Variants in MAST2 observed in about 807,000 individuals in gnomAD.
MAST2 encodes the protein microtubule-associated serine/threonine-protein kinase 2.
Under a neutral mutation model 147.4 loss-of-function variants are expected in MAST2, and 70 were observed. The ratio of observed to expected loss-of-function variants is 0.47; its 90% CI spans 0.39 to 0.58. MAST2 has a LOEUF of 0.58. MAST2 is among the 20% of genes least tolerant of loss of function. MAST2 has a pLI of 0.00. For missense variants in MAST2, 2,080 were observed against 2,302.3 expected (o/e 0.90, Z 1.98); for synonymous variants, 869 against 896.8 (o/e 0.97, Z 0.55).
intron 3 of MAST2, among the ~76,000 whole-genome samples, chr1:45,875,605 G>A (rs1156288578): frequency 1.3e-5 from 2 of 152,108 alleles, no homozygotes; most frequent in Non-Finnish European, 2.9e-5. Flanking sequence ...GATGTTATAG[G>A]ATGATGGTGG....
intron 4 of MAST2, among the ~76,000 whole-genome samples, chr1:45,918,236 C>T (rs982287244): frequency 2.0e-5 from 3 of 152,172 alleles, no homozygotes; most frequent in Non-Finnish European, 4.4e-5. Flanking sequence ...CATAAAAGAC[C>T]TGAAGGAAGT....
At chr1:45,818,988 T>C (rs947276436) in intron 1 of MAST2, among the ~76,000 whole-genome samples, 3 of 152,174 alleles carry the variant, frequency 2.0e-5, no homozygotes, top group Non-Finnish European at 4.4e-5. Flanking sequence ...GCATAGTGGC[T>C]CATGCCTGTA....
intron 12 of MAST2, 140 bp downstream of exon 12, chr1:46,022,222 C>G: frequency 9.9e-7 from 1 of 1,011,262 alleles, no homozygotes; most frequent in South Asian, 1.6e-5. Context: ...TTAGGAGATA[C>G]CCTGTGATCT....
At chr1:45,833,043 A>G (rs1645004888) in intron 3 of MAST2, among the ~76,000 whole-genome samples, 1 of 127,688 alleles carries the variant, frequency 7.8e-6, no homozygotes, top group South Asian at 2.6e-4. Context: ...AATCAAATCA[A>G]ATATGTGGCC....
intron 12 of MAST2, 76 bp from the exon 13 acceptor site, chr1:46,022,834 T>C: frequency 9.4e-7 from 1 of 1,065,732 alleles, no homozygotes; most frequent in East Asian, 2.4e-5. Context: ...TACATGCACC[T>C]GTTGTGTGAT....
chr1:45,906,347 AT>A (rs1650723658), intron 4 of MAST2, among the ~76,000 whole-genome samples: 1 of 152,112 alleles, frequency 6.6e-6, no homozygotes, highest in Non-Finnish European at 1.5e-5. Flanking sequence ...TTGTGTCTTC[AT>A]TTTTGGCAAA....
At chr1:46,003,828 A>G (rs1169150314) in intron 7 of MAST2, among the ~76,000 whole-genome samples, 1 of 152,152 alleles carries the variant, frequency 6.6e-6, no homozygotes, top group Non-Finnish European at 1.5e-5. Flanking sequence ...AAAGAGCCCA[A>G]CGTGGAGTAA....
chr1:45,903,803 A>G (rs757948004), intron 4 of MAST2, among the ~76,000 whole-genome samples: 8 of 152,242 alleles, frequency 5.3e-5, no homozygotes, highest in Non-Finnish European at 1.0e-4. Context: ...ATATGAAAAC[A>G]TAGCCCAGGT....
intron 4 of MAST2, among the ~76,000 whole-genome samples, chr1:45,936,627 G>A (rs930700589): frequency 6.6e-6 from 1 of 152,018 alleles, no homozygotes; most frequent in Non-Finnish European, 1.5e-5. Flanking sequence ...CTGTGTGTAT[G>A]CCCTTCTCAC....
intron 10 of MAST2, 73 bp from the exon 11 acceptor site, chr1:46,019,523 T>C (rs1646096254): frequency 1.7e-6 from 2 of 1,194,252 alleles, no homozygotes; most frequent in Non-Finnish European, 2.5e-6. Context: ...TGGAGTCAGC[T>C]CTGCCCTGTC....
At chr1:45,865,078 C>CT (rs772178654) in intron 3 of MAST2, 31 of 454,876 alleles carry the variant, frequency 6.8e-5, no homozygotes, top group East Asian at 2.1e-4. Flanking sequence ...TGGGGAGTGG[C>CT]TTTTTTTTGT....
intron 4 of MAST2, among the ~76,000 whole-genome samples, chr1:45,886,313 TACACACAC>T (rs56032969): frequency 0.032 from 4,625 of 145,424 alleles, 178 homozygotes; most frequent in African/African-American, 0.085. Context: ...TATCTATAAG[TACACACAC>T]ACACACACAC....
chr1:45,850,898 T>G (rs1050023633), intron 3 of MAST2, among the ~76,000 whole-genome samples: 1 of 151,252 alleles, frequency 6.6e-6, no homozygotes, highest in African/African-American at 2.4e-5. Context: ...CTGGGTAATG[T>G]AATCCCTGCA....
chr1:45,942,741 C>T (rs1424195806), intron 4 of MAST2, among the ~76,000 whole-genome samples: 2 of 152,122 alleles, frequency 1.3e-5, no homozygotes, highest in Non-Finnish European at 2.9e-5. Flanking sequence ...CAAGTCACTG[C>T]TGTCTCTAGT....
In MAST2 at chr1:45,994,175, C is replaced by T. The variant is rs867117916; in HGVS notation, c.593-3549C>T. ...ATTTTATAAGCATGATTGATTGACT[C>T]ATTGGCCATATGACTGAACTTAATC... On this transcript the variant is annotated intron_variant, in intron 5 of 28. Transcript: ENST00000361297. 1.2e-3 allele frequency among the ~76,000 whole-genome samples: 186 copies of T among 151,328 alleles called. 2 individuals carry two copies. The highest frequency in any genetic ancestry group is 4.3e-3 in the African/African-American group (178 of 41,180).
At chr1:45,913,783 TC>T in intron 4 of MAST2, 1 of 1,121,730 alleles carries the variant, frequency 8.9e-7, no homozygotes, top group African/African-American at 1.7e-5. Context: ...TGAGAGAACT[TC>T]CTACCAAGAC....
intron 1 of MAST2, among the ~76,000 whole-genome samples, chr1:45,816,886 C>T (rs907121951): frequency 6.6e-6 from 1 of 152,030 alleles, no homozygotes; most frequent in Non-Finnish European, 1.5e-5. Context: ...ACCGTGTCAA[C>T]CAGGATGGTC....
intron 4 of MAST2, among the ~76,000 whole-genome samples, chr1:45,954,396 C>T (rs1211443041): frequency 6.6e-6 from 1 of 152,118 alleles, no homozygotes; most frequent in African/African-American, 2.4e-5. Flanking sequence ...CACGATATGC[C>T]TTAGCCCTTG....
chr1:45,893,210 T>TTC (rs1648140210), intron 4 of MAST2, among the ~76,000 whole-genome samples: 1 of 151,466 alleles, frequency 6.6e-6, no homozygotes, highest in Non-Finnish European at 1.5e-5. Flanking sequence ...TTTATTTATT[T>TTC]ATTTATTTTA....
Sources: gnomAD v4.1 joint callset for allele counts (sites outside exome capture counted in the v4.1 genomes callset) on GRCh38, gnomAD v4.1.1 for gene constraint, MANE v1.5 for transcripts, NCBI Gene and HGNC (gene_info 2026-07-23, HGNC 2026-07-21) for gene names.